CPEB1: variants seen among roughly 807,000 people sequenced by gnomAD.
CPEB1 encodes the protein cytoplasmic polyadenylation element binding protein 1, also known as cytoplasmic polyadenylation element-binding protein 1.
CPEB1 carries 7 observed loss-of-function variants against 65.8 expected under a neutral mutation model. The observed-to-expected ratio is 0.11, with a 90% CI of 0.06 to 0.20. CPEB1 has a LOEUF of 0.20. CPEB1 is among the 10% of genes least tolerant of loss of function. The probability of loss-of-function intolerance (pLI) is 1.00; values close to 1 mark genes in which losing one functional copy is unlikely to be tolerated. For synonymous variants in CPEB1, 262 were observed against 260.0 expected, an observed-to-expected ratio of 1.01 and a Z score of -0.08; for missense variants, 551 against 712.2, an observed-to-expected ratio of 0.77 and a Z score of 2.58.
At chr15:82,544,744 A>G (rs1170657534) in intron 12 of CPEB1, 42 bp from the exon 13 acceptor site, 3 of 1,429,522 alleles carry the variant, frequency 2.1e-6, no homozygotes, top group Non-Finnish European at 2.9e-6. Flanking sequence ...TGCCTGTGTC[A>G]GCACCAGACA....
In CPEB1 at chr15:82,645,400, G is replaced by A. The variant is rs193054354; in HGVS notation, c.-98+1737C>T. On this transcript the variant is annotated intron_variant, in intron 1 of 12. Coordinates refer to ENST00000684509, the MANE Select transcript of CPEB1 (RefSeq NM_001365242.1). The stretch of plus-strand genomic sequence containing the variant: ...ACTTCTGACCTCAGGTGATCTGCCC[G>A]CCTGGGCCTCCCAAAGTGCTGGGAT... Among the ~76,000 whole-genome samples the A allele has an allele frequency of 1.3e-3, 202 of 152,138 alleles. 4 individuals are homozygous for A. Among genetic ancestry groups the A allele is most frequent in the Admixed American group, 0.013 (201 of 15,296 alleles).
rs762909283 is a variant in CPEB1 at position 82,555,857 on chromosome 15, AAGG to A, written c.940+10_940+12del. ...GAGGCCTCAGGCCTCACACATGCTC[AAGG>A]CACACTCACCTGCAGCTTGTCGGTG... On this transcript the variant is annotated intron_variant, in intron 6 of 12. Transcript: ENST00000684509. 1 of 1,605,376 alleles carries A rather than the reference AAGG, an allele frequency of 6.2e-7. No homozygotes were observed. The highest frequency in any genetic ancestry group is 8.5e-7 in the Non-Finnish European group (1 of 1,177,390).
intron 3 of CPEB1, among the ~76,000 whole-genome samples, chr15:82,572,652 G>A (rs920160486): frequency 3.9e-5 from 6 of 152,134 alleles, no homozygotes; most frequent in Admixed American, 6.5e-5. Context: ...CTGAAGTATC[G>A]TTACGCCCTA....
intron 3 of CPEB1, among the ~76,000 whole-genome samples, chr15:82,602,408 G>C (rs1447834168): frequency 6.6e-6 from 1 of 152,196 alleles, no homozygotes; most frequent in Non-Finnish European, 1.5e-5. Context: ...CATGGGCCAA[G>C]AATGGTGACT....
At chr15:82,576,551 A>G (rs1243918688) in intron 3 of CPEB1, among the ~76,000 whole-genome samples, 2 of 152,226 alleles carry the variant, frequency 1.3e-5, no homozygotes, top group Non-Finnish European at 2.9e-5. Context: ...GATATGTGAT[A>G]AGGCAAATAT....
rs900923518 is a variant in CPEB1 at position 82,599,191 on chromosome 15, G to A, written c.272-27659C>T. Among the ~76,000 whole-genome samples, 48 of 152,182 alleles carry A rather than the reference G, an allele frequency of 3.2e-4. 1 individual carries two copies. Among genetic ancestry groups the A allele is most frequent in the Non-Finnish European group, 2.2e-4 (15 of 68,004 alleles). On this transcript the variant is annotated intron_variant, in intron 3 of 12. Transcript: ENST00000684509. Reference sequence around the variant, plus strand: ...AGCAGTTCTCTTAAAATATTATGCAGGAGAATAAAAACGTTGAAAAATACA... The same window carrying A: ...AGCAGTTCTCTTAAAATATTATGCAAGAGAATAAAAACGTTGAAAAATACA...
chr15:82,607,309 T>C (rs2043711469), intron 3 of CPEB1, among the ~76,000 whole-genome samples: 1 of 152,124 alleles, frequency 6.6e-6, no homozygotes, highest in South Asian at 2.1e-4. Context: ...CAAATAGGGC[T>C]GGGCACGGTG....
At chr15:82,608,003 GC>G (rs1376009727) in intron 3 of CPEB1, among the ~76,000 whole-genome samples, 2 of 152,158 alleles carry the variant, frequency 1.3e-5, no homozygotes, top group Non-Finnish European at 2.9e-5. Flanking sequence ...TCCACACTGA[GC>G]CAGACAGTTT....
intron 1 of CPEB1, among the ~76,000 whole-genome samples, chr15:82,634,156 C>T (rs1306899624): frequency 6.7e-6 from 1 of 149,200 alleles, no homozygotes; most frequent in African/African-American, 2.5e-5. Context: ...CATCAAGAAG[C>T]TTATTTACTT....
intron 1 of CPEB1, among the ~76,000 whole-genome samples, chr15:82,641,139 A>G (rs1044234360): frequency 6.6e-6 from 1 of 152,138 alleles, no homozygotes; most frequent in Admixed American, 6.5e-5. Context: ...GATGTCAGAG[A>G]TTATATCTGG....
chr15:82,571,554 C>T lies in CPEB1; in HGVS notation c.272-22G>A, dbSNP rs73436995. On this transcript the variant is annotated intron_variant, in intron 3 of 12. Transcript: ENST00000684509. The stretch of plus-strand genomic sequence containing the variant: ...AAGTCTGTTTTGGAAAGGAGCACAG[C>T]AGAAACCTCAGAGTTAAGGGCTGTT... 2.5e-3 allele frequency: 4,079 copies of T among 1,604,182 alleles called. 108 individuals are homozygous for T. The African/African-American group carries it at 0.048, about 19-fold the overall frequency.
At position 82,612,768 on chromosome 15, in the gene CPEB1, A is replaced by G. The variant is rs1333945293; in HGVS notation, c.271+14425T>C. Among the ~76,000 whole-genome samples, 6 of 152,214 alleles carry G rather than the reference A, an allele frequency of 3.9e-5. No individual in the cohort carries two copies. In the East Asian group the frequency reaches 9.7e-4, roughly 25 times the overall value. ...AGAATCGCTTGAACCTGGGGGGCGG[A>G]GGTTGCAGTAAGCCAAGACTGCACC... On this transcript the variant is annotated intron_variant, in intron 3 of 12. Coordinates refer to ENST00000684509, the MANE Select transcript of CPEB1 (RefSeq NM_001365242.1).
At position 82,568,684 on chromosome 15, in the gene CPEB1, A is replaced by G. The variant is rs115389513; in HGVS notation, c.460+2660T>C. Among the ~76,000 whole-genome samples the G allele has an allele frequency of 4.7e-4, 72 of 152,372 alleles. 1 individual carries two copies. The highest frequency in any genetic ancestry group is 1.7e-3 in the African/African-American group (70 of 41,588). On this transcript the variant is annotated intron_variant, in intron 4 of 12. Coordinates refer to ENST00000684509, the MANE Select transcript of CPEB1 (RefSeq NM_001365242.1). Reference sequence around the variant, plus strand: ...AAGAATCCAATGAAAGGTTGTTACAATGAAGAAAATCCTTAGGGGAAAAAA... The same window carrying G: ...AAGAATCCAATGAAAGGTTGTTACAGTGAAGAAAATCCTTAGGGGAAAAAA...
intron 10 of CPEB1, chr15:82,548,873 C>T: frequency 3.0e-6 from 1 of 329,618 alleles, no homozygotes; most frequent in South Asian, 2.3e-5. Flanking sequence ...AGGTCAGGCT[C>T]TGCTCCACCT....
intron 4 of CPEB1, among the ~76,000 whole-genome samples, chr15:82,568,079 C>A (rs1242448859): frequency 6.6e-6 from 1 of 152,162 alleles, no homozygotes; most frequent in East Asian, 1.9e-4. Flanking sequence ...GTTCTGCTAA[C>A]AGGACCACAG....
intron 3 of CPEB1, among the ~76,000 whole-genome samples, chr15:82,617,829 G>A (rs1289318668): frequency 1.4e-5 from 2 of 145,326 alleles, no homozygotes; most frequent in African/African-American, 2.6e-5. Context: ...CGCCTCTCGG[G>A]TTCACGCCAT....
At chr15:82,563,722 T>C (rs1423976349) in intron 4 of CPEB1, among the ~76,000 whole-genome samples, 2 of 151,916 alleles carry the variant, frequency 1.3e-5, no homozygotes, top group African/African-American at 2.4e-5. Flanking sequence ...ATAAAGCAAA[T>C]GGGGTAAAAT....
chr15:82,633,813 A>T (rs2046445069), intron 1 of CPEB1, among the ~76,000 whole-genome samples: 1 of 152,244 alleles, frequency 6.6e-6, no homozygotes, highest in Admixed American at 6.5e-5. Flanking sequence ...TCTGAAGAAA[A>T]GCATTTCCCT....
chr15:82,638,478 C>A (rs552783023), intron 1 of CPEB1: 1 of 152,268 alleles, frequency 6.6e-6, no homozygotes, highest in South Asian at 2.1e-4. Flanking sequence ...AAAGGTCTTC[C>A]AAAATTCTTA....
Sources: gnomAD v4.1 joint callset for allele counts (sites outside exome capture counted in the v4.1 genomes callset) on GRCh38, gnomAD v4.1.1 for gene constraint, MANE v1.5 for transcripts, NCBI Gene and HGNC (gene_info 2026-07-23, HGNC 2026-07-21) for gene names.